Variants in SLC24A2 observed in about 807,000 individuals in gnomAD.
The protein encoded by SLC24A2 is solute carrier family 24 member 2.
Under a neutral mutation model 62.0 loss-of-function variants are expected in SLC24A2, and 36 were observed. That is an observed-to-expected ratio of 0.58 (90% CI 0.44 to 0.77). The LOEUF is 0.77. Among genes scored for constraint, SLC24A2 ranks in the 30% least tolerant of loss-of-function variants. SLC24A2 has a pLI of 0.00. For synonymous variants in SLC24A2, 358 were observed against 294.0 expected (o/e 1.22, Z -2.23); for missense variants, 846 against 817.9 (o/e 1.03, Z -0.42).
chr9:19,849,454 G>A, the SLC24A2 span, among the ~76,000 whole-genome samples: 1 of 152,090 alleles, frequency 6.6e-6, no homozygotes, highest in African/African-American at 2.4e-5. Context: ...CCTGAAAATA[G>A]AAGATAGGGC....
In SLC24A2 at chr9:19,509,715, T is replaced by G. The variant is rs1334468038; in HGVS notation, c.*6438A>C. The G allele has an allele frequency of 1.3e-5, 2 of 152,220 alleles. No homozygotes were observed. Among genetic ancestry groups the G allele is most frequent in the Admixed American group, 6.5e-5 (1 of 15,286 alleles). 9.4% of individuals were successfully genotyped at this position (152,220 alleles called of 1,614,324 possible). On this transcript the variant is annotated 3_prime_UTR_variant, in exon 11 of 11. Coordinates refer to ENST00000341998, the MANE Select transcript of SLC24A2 (RefSeq NM_020344.4). ...TTCAGGATTTCAGACTTTTTTTACT[T>G]TTCTGTTTTTTATGACATGATTTTA...
At chr9:20,036,584 G>A in the SLC24A2 span, among the ~76,000 whole-genome samples, 3 of 152,160 alleles carry the variant, frequency 2.0e-5, no homozygotes, top group Non-Finnish European at 4.4e-5. Flanking sequence ...AGAACATGCA[G>A]TATCTGATTT....
intron 2 of SLC24A2, among the ~76,000 whole-genome samples, chr9:19,700,460 T>C (rs919163779): frequency 3.3e-5 from 5 of 152,210 alleles, no homozygotes; most frequent in Non-Finnish European, 2.9e-5. Flanking sequence ...GTTAAAAATG[T>C]ATGGATTCTT....
chr9:19,624,773 A>C (rs746284988), intron 2 of SLC24A2, among the ~76,000 whole-genome samples: 24 of 152,140 alleles, frequency 1.6e-4, no homozygotes, highest in Non-Finnish European at 3.1e-4. Context: ...CCTTTTATGT[A>C]GCCCTGTTGC....
intron 9 of SLC24A2, among the ~76,000 whole-genome samples, chr9:19,524,677 G>GA (rs1309188871): frequency 1.3e-5 from 2 of 152,170 alleles, no homozygotes; most frequent in Admixed American, 6.5e-5. Flanking sequence ...TTGTATAGGA[G>GA]AAAAGAGAAA....
At chr9:20,013,308 G>A in the SLC24A2 span, among the ~76,000 whole-genome samples, 1 of 152,052 alleles carries the variant, frequency 6.6e-6, no homozygotes, top group Non-Finnish European at 1.5e-5. Flanking sequence ...ACACAATGGA[G>A]AAAGGATGGT....
chr9:19,949,087 G>C, the SLC24A2 span, among the ~76,000 whole-genome samples: 2 of 151,938 alleles, frequency 1.3e-5, no homozygotes, highest in Non-Finnish European at 2.9e-5. Context: ...TCTGCCCCCT[G>C]AGTTCAAGTG....
chr9:19,941,682 T>C, the SLC24A2 span, among the ~76,000 whole-genome samples: 2 of 152,276 alleles, frequency 1.3e-5, no homozygotes, highest in South Asian at 2.1e-4. Context: ...CCCATCAATG[T>C]AGTATTTGTA....
chr9:19,987,667 G>A, the SLC24A2 span, among the ~76,000 whole-genome samples: 6 of 152,282 alleles, frequency 3.9e-5, no homozygotes, highest in Non-Finnish European at 8.8e-5. Context: ...GCTGGAACAG[G>A]TATATTGGTA....
At chr9:19,664,216 G>T (rs920095299) in intron 2 of SLC24A2, among the ~76,000 whole-genome samples, 7 of 152,220 alleles carry the variant, frequency 4.6e-5, no homozygotes, top group African/African-American at 1.7e-4. Context: ...GTAGGAGTCA[G>T]AATCAAAACA....
intron 2 of SLC24A2, among the ~76,000 whole-genome samples, chr9:19,731,516 C>CCGTGTGTGT (rs72153360): frequency 5.3e-5 from 6 of 113,824 alleles, no homozygotes; most frequent in Non-Finnish European, 8.2e-5. Flanking sequence ...TCTCTCTCTC[C>CCGTGTGTGT]GTGTGTGTGT....
At position 19,736,038 on chromosome 9, in the gene SLC24A2, C is replaced by T. The variant is rs149337828; in HGVS notation, c.930+49899G>A. On this transcript the variant is annotated intron_variant, in intron 2 of 10. Transcript: ENST00000341998. ...GAATTAAAATATGTGATAACAGTAA[C>T]GCAAACAGTGGGAGAGATTTAAGTG... Among the ~76,000 whole-genome samples the T allele has an allele frequency of 2.6e-3, 393 of 152,028 alleles. 1 individual carries two copies. Among genetic ancestry groups the T allele is most frequent in the Middle Eastern group, 6.8e-3 (2 of 292 alleles).
chr9:20,131,507 A>G, the SLC24A2 span, among the ~76,000 whole-genome samples: 1 of 152,162 alleles, frequency 6.6e-6, no homozygotes, highest in Non-Finnish European at 1.5e-5. Flanking sequence ...CCCCACACAG[A>G]TTTCCTGTTT....
At chr9:20,270,314 CAT>C in the SLC24A2 span, among the ~76,000 whole-genome samples, 17 of 152,076 alleles carry the variant, frequency 1.1e-4, no homozygotes, top group African/African-American at 3.6e-4. Flanking sequence ...ATATCTCACA[CAT>C]AAAGGAGATG....
intron 2 of SLC24A2, among the ~76,000 whole-genome samples, chr9:19,688,732 C>T (rs903403862): frequency 1.3e-5 from 2 of 152,050 alleles, no homozygotes; most frequent in African/African-American, 4.8e-5. Context: ...TATTATTTTA[C>T]TGATATAAGT....
At chr9:19,718,872 AATTT>A (rs1418669871) in intron 2 of SLC24A2, among the ~76,000 whole-genome samples, 2 of 152,106 alleles carry the variant, frequency 1.3e-5, no homozygotes, top group African/African-American at 4.8e-5. Flanking sequence ...ACTCTCTCTG[AATTT>A]ATGCTGGTTT....
the SLC24A2 span, among the ~76,000 whole-genome samples, chr9:20,244,600 C>G: frequency 2.0e-5 from 3 of 152,210 alleles, no homozygotes; most frequent in Non-Finnish European, 4.4e-5. Context: ...ATTCTGCCTT[C>G]AAAGCTAAAT....
the SLC24A2 span, among the ~76,000 whole-genome samples, chr9:20,217,307 G>A: frequency 6.6e-6 from 1 of 152,192 alleles, no homozygotes; most frequent in Admixed American, 6.5e-5. Context: ...AGTTACCTTT[G>A]CAGGGGATGA....
At chr9:20,225,148 A>AC in the SLC24A2 span, among the ~76,000 whole-genome samples, 2 of 152,068 alleles carry the variant, frequency 1.3e-5, no homozygotes, top group Middle Eastern at 3.2e-3. Flanking sequence ...AGGGAACCTG[A>AC]CCTAAGAAAG....
Sources: allele counts gnomAD v4.1 joint callset (sites outside exome capture counted in the v4.1 genomes callset), GRCh38; gene constraint gnomAD v4.1.1; transcripts MANE v1.5; gene names NCBI Gene and HGNC (gene_info 2026-07-23, HGNC 2026-07-21).